The following GFRAL variants were observed in gnomAD, a reference collection of about 807,000 sequenced individuals.
The protein encoded by GFRAL is GDNF family receptor alpha-like.
In GFRAL, 36 loss-of-function variants were observed where a neutral mutation model predicts 45.4. The ratio of observed to expected loss-of-function variants is 0.79; its 90% CI spans 0.61 to 1.05. GFRAL has a LOEUF of 1.05. Among genes scored for constraint, GFRAL ranks in the 50% least tolerant of loss-of-function variants. GFRAL has a pLI of 0.00. For synonymous variants in GFRAL, 166 were observed against 154.1 expected, an observed-to-expected ratio of 1.08 and a Z score of -0.57; for missense variants, 507 against 467.5, an observed-to-expected ratio of 1.08 and a Z score of -0.78.
rs144387453 is a variant in GFRAL at position 55,385,695 on chromosome 6, A to T, written c.953-13485A>T. ...ATTGTCAATTGATTATAAATGTTAC[A>T]TTTCACAGGGAACACAGGAATATAA... On this transcript the variant is annotated intron_variant, in intron 6 of 8. Coordinates refer to ENST00000340465, the MANE Select transcript of GFRAL (RefSeq NM_207410.2). Among the ~76,000 whole-genome samples the T allele has an allele frequency of 2.1e-4, 32 of 152,188 alleles. No homozygotes were observed. The East Asian group carries it at 6.0e-3, about 28-fold the overall frequency.
At chr6:55,391,311 T>C (rs573278649) in intron 6 of GFRAL, among the ~76,000 whole-genome samples, 2 of 152,328 alleles carry the variant, frequency 1.3e-5, no homozygotes, top group South Asian at 2.1e-4. Context: ...TTTTTTCATA[T>C]TAAATAAAAC....
chr6:55,380,510 T>C (rs114533027), intron 6 of GFRAL, among the ~76,000 whole-genome samples: 2,073 of 152,054 alleles, frequency 0.014, 43 homozygotes, highest in African/African-American at 0.046. Context: ...GCAACATGTA[T>C]TTAAAAAGTT....
intron 6 of GFRAL, among the ~76,000 whole-genome samples, chr6:55,372,618 C>T (rs1385026374): frequency 6.6e-6 from 1 of 152,110 alleles, no homozygotes; most frequent in Non-Finnish European, 1.5e-5. Flanking sequence ...GTTTGCCTCA[C>T]AGTCATAAAG....
intron 3 of GFRAL, among the ~76,000 whole-genome samples, chr6:55,340,992 G>T (rs1767956995): frequency 6.6e-6 from 1 of 152,192 alleles, no homozygotes; most frequent in African/African-American, 2.4e-5. Context: ...GCCTGTCATT[G>T]CTGAGGCTTG....
intron 3 of GFRAL, among the ~76,000 whole-genome samples, chr6:55,339,313 C>T (rs1033790707): frequency 1.2e-4 from 18 of 151,742 alleles, no homozygotes; most frequent in African/African-American, 2.7e-4. Context: ...TTGGAATATT[C>T]GAGTTAGGAA....
chr6:55,340,551 A>G (rs1278272981), intron 3 of GFRAL, among the ~76,000 whole-genome samples: 1 of 152,202 alleles, frequency 6.6e-6, no homozygotes, highest in East Asian at 1.9e-4. Context: ...AGCAGTTCCA[A>G]GATGGCAGAA....
At chr6:55,358,421 G>A (rs1283062919) in intron 5 of GFRAL, among the ~76,000 whole-genome samples, 1 of 151,730 alleles carries the variant, frequency 6.6e-6, no homozygotes, top group African/African-American at 2.4e-5. Flanking sequence ...ATTCTAATTA[G>A]TCTGTTTAGT....
In GFRAL at chr6:55,402,085, T is replaced by C. The variant is rs1306460103; in HGVS notation, c.*232T>C. ...TCTGCCTCCAAGGTTCAAGTGATTTTCCTGCCTCAGCCTTCCCGAGTAGCT... is the reference window on the plus strand; with the variant it reads ...TCTGCCTCCAAGGTTCAAGTGATTTCCCTGCCTCAGCCTTCCCGAGTAGCT... On this transcript the variant is annotated 3_prime_UTR_variant, in exon 9 of 9. Coordinates refer to ENST00000340465, the MANE Select transcript of GFRAL (RefSeq NM_207410.2). The C allele has an allele frequency of 2.9e-5, 9 of 313,748 alleles. No homozygotes were observed. The highest frequency in any genetic ancestry group is 4.4e-5 in the Non-Finnish European group (8 of 181,796). 19.4% of individuals were successfully genotyped at this position (313,748 alleles called of 1,614,324 possible). A position where few individuals can be genotyped will look rare whatever the true frequency, so the allele number is the denominator to read the frequency against.
chr6:55,353,075 T>C (rs941365253), intron 5 of GFRAL, among the ~76,000 whole-genome samples: 1 of 151,796 alleles, frequency 6.6e-6, no homozygotes, highest in African/African-American at 2.4e-5. Flanking sequence ...AGAAAAGCAG[T>C]GAGGGTAGAG....
At chr6:55,375,619 C>G (rs1475654518) in intron 6 of GFRAL, among the ~76,000 whole-genome samples, 1 of 151,984 alleles carries the variant, frequency 6.6e-6, no homozygotes, top group Non-Finnish European at 1.5e-5. Flanking sequence ...CCTTCTCTTG[C>G]CCAATTGCTC....
chr6:55,331,975 C>A, intron 2 of GFRAL, 126 bp downstream of exon 2: 1 of 801,072 alleles, frequency 1.2e-6, no homozygotes, highest in Non-Finnish European at 1.9e-6. Context: ...TCTTGACCCC[C>A]ATCGATTCAC....
intron 3 of GFRAL, among the ~76,000 whole-genome samples, chr6:55,339,499 A>G (rs74586280): frequency 0.01 from 1,577 of 152,284 alleles, 25 homozygotes; most frequent in African/African-American, 0.036. Flanking sequence ...ACTGCCTGGG[A>G]AAAACACAAA....
intron 6 of GFRAL, among the ~76,000 whole-genome samples, chr6:55,388,089 G>C (rs979592264): frequency 6.6e-6 from 1 of 152,160 alleles, no homozygotes; most frequent in Non-Finnish European, 1.5e-5. Flanking sequence ...TCCCTTGGTT[G>C]CTGCTGAAGC....
chr6:55,368,708 G>GTGT (rs771487985), intron 6 of GFRAL, among the ~76,000 whole-genome samples: 37 of 152,290 alleles, frequency 2.4e-4, no homozygotes, highest in Admixed American at 3.9e-4. Flanking sequence ...GCCCTGTGAG[G>GTGT]TGTCAGTCTG....
rs988051868 is a variant in GFRAL at position 55,364,923 on chromosome 6, C to T, written c.952+5785C>T. 2.6e-3 allele frequency among the ~76,000 whole-genome samples: 403 copies of T among 152,148 alleles called. 3 individuals are homozygous for T. The highest frequency in any genetic ancestry group is 3.0e-3 in the Non-Finnish European group (202 of 68,008). The stretch of plus-strand genomic sequence containing the variant: ...CTGAGGATTGACTTGGTGATGCGGG[C>T]TCTTTTTTGGTTCCATATGAACTTT... On this transcript the variant is annotated intron_variant, in intron 6 of 8. Coordinates refer to ENST00000340465, the MANE Select transcript of GFRAL (RefSeq NM_207410.2).
At chr6:55,383,462 C>T (rs1347910697) in intron 6 of GFRAL, among the ~76,000 whole-genome samples, 3 of 151,570 alleles carry the variant, frequency 2.0e-5, no homozygotes, top group South Asian at 2.1e-4. Context: ...TGTGTTTTAC[C>T]TTCTCTATGT....
chr6:55,366,534 G>T (rs561970662), intron 6 of GFRAL, among the ~76,000 whole-genome samples: 3 of 143,890 alleles, frequency 2.1e-5, no homozygotes, highest in Admixed American at 2.1e-4. Flanking sequence ...TGCGATGTTA[G>T]GGTGTCAGTT....
At chr6:55,376,059 T>C (rs995699323) in intron 6 of GFRAL, among the ~76,000 whole-genome samples, 5 of 152,156 alleles carry the variant, frequency 3.3e-5, no homozygotes, top group African/African-American at 9.7e-5. Context: ...TGAGAGTTTT[T>C]AACATGAAGC....
intron 3 of GFRAL, among the ~76,000 whole-genome samples, chr6:55,336,431 A>G (rs545849950): frequency 6.6e-6 from 1 of 152,264 alleles, no homozygotes; most frequent in African/African-American, 2.4e-5. Context: ...TCAGTATTTG[A>G]TAGTTTTCAG....
Sources: allele counts gnomAD v4.1 joint callset (sites outside exome capture counted in the v4.1 genomes callset), GRCh38; gene constraint gnomAD v4.1.1; transcripts MANE v1.5; gene names NCBI Gene and HGNC (gene_info 2026-07-23, HGNC 2026-07-21).